Variants in PLXDC1 observed in about 807,000 individuals in gnomAD.
PLXDC1 encodes the protein plexin domain-containing protein 1.
Under a neutral mutation model 61.3 loss-of-function variants are expected in PLXDC1, and 39 were observed. The observed-to-expected ratio is 0.64, with a 90% CI of 0.49 to 0.83. PLXDC1 has a LOEUF of 0.83. Ranked by LOEUF, PLXDC1 falls within the 40% of genes least tolerant of loss-of-function variation. PLXDC1 has a pLI of 0.00. For missense variants in PLXDC1, 596 were observed against 666.5 expected (o/e 0.89, Z 1.17); for synonymous variants, 212 against 254.5 (o/e 0.83, Z 1.59).
chr17:39,128,097 G>GTGTGTGTGTATATATATATA (rs1911379292), intron 2 of PLXDC1, among the ~76,000 whole-genome samples: 2 of 67,476 alleles, frequency 3.0e-5, no homozygotes, highest in African/African-American at 7.3e-5. Flanking sequence ...CTCTCTATGT[G>GTGTGTGTGTATATATATATA]TATATATATA....
intron 7 of PLXDC1, 66 bp from the exon 8 acceptor site, chr17:39,087,768 C>T (rs986634397): frequency 2.8e-5 from 33 of 1,163,114 alleles, no homozygotes; most frequent in South Asian, 2.2e-4. Flanking sequence ...GGCCTCTTCC[C>T]GGACAGTCTG....
At chr17:39,128,097 G>GTGTA (rs1911379292) in intron 2 of PLXDC1, among the ~76,000 whole-genome samples, 5 of 67,478 alleles carry the variant, frequency 7.4e-5, no homozygotes, top group Admixed American at 1.5e-4. Context: ...CTCTCTATGT[G>GTGTA]TATATATATA....
chr17:39,112,820 T>TC (rs1910856232), intron 2 of PLXDC1, among the ~76,000 whole-genome samples: 1 of 152,148 alleles, frequency 6.6e-6, no homozygotes, highest in Non-Finnish European at 1.5e-5. Context: ...CCTCCCTAAA[T>TC]CCTGGGCTAT....
chr17:39,096,306 A>C (rs1910199393), intron 7 of PLXDC1, among the ~76,000 whole-genome samples: 1 of 152,214 alleles, frequency 6.6e-6, no homozygotes, highest in Non-Finnish European at 1.5e-5. Context: ...AAGAGGCCAG[A>C]AATGACTCAG....
chr17:39,129,728 G>GAAAGAAAGAAAGAAAGAAAGAA (rs1911491406), intron 2 of PLXDC1, among the ~76,000 whole-genome samples: 2 of 38,280 alleles, frequency 5.2e-5, no homozygotes, highest in African/African-American at 2.5e-4. Context: ...AAGAAAGAAA[G>GAAAGAAAGAAAGAAAGAAAGAA]AAAAGAAAGA....
chr17:39,069,559 G>A (rs1001672738), intron 13 of PLXDC1, among the ~76,000 whole-genome samples: 3 of 152,184 alleles, frequency 2.0e-5, no homozygotes, highest in Non-Finnish European at 4.4e-5. Context: ...GCACTATGTG[G>A]CACTGTGGCC....
intron 7 of PLXDC1, 27 bp downstream of exon 7, chr17:39,105,827 G>T (rs7213676): frequency 6.8e-7 from 1 of 1,472,888 alleles, no homozygotes; most frequent in Non-Finnish European, 9.5e-7. Context: ...CCCCATCAAG[G>T]CCTCTGCGGG....
chr17:39,124,816 G>A (rs1036472656), intron 2 of PLXDC1, among the ~76,000 whole-genome samples: 4 of 152,050 alleles, frequency 2.6e-5, no homozygotes, highest in Non-Finnish European at 5.9e-5. Flanking sequence ...ACTCAGGAAG[G>A]GCTTATTTAT....
chr17:39,093,432 A>C (rs1426362814), intron 7 of PLXDC1, among the ~76,000 whole-genome samples: 1 of 152,176 alleles, frequency 6.6e-6, no homozygotes, highest in Non-Finnish European at 1.5e-5. Flanking sequence ...ATTTATTTAA[A>C]AATTACGGGC....
intron 2 of PLXDC1, among the ~76,000 whole-genome samples, chr17:39,130,153 G>A (rs1408769846): frequency 1.3e-5 from 2 of 152,014 alleles, no homozygotes; most frequent in Non-Finnish European, 2.9e-5. Context: ...TTTCTTTTGG[G>A]TAATGAAAAT....
At position 39,065,541 on chromosome 17, in the gene PLXDC1, A is replaced by T. The variant is rs1324042304; in HGVS notation, c.*2299T>A. Reference sequence around the variant, plus strand: ...CTCAGCCTCCCTAGTAGCTGGGACTACAGGTGCACCCCACCACACCTGGCA... The same window carrying T: ...CTCAGCCTCCCTAGTAGCTGGGACTTCAGGTGCACCCCACCACACCTGGCA... On this transcript the variant is annotated 3_prime_UTR_variant, in exon 14 of 14. Transcript: ENST00000315392. 1 of 151,794 alleles carries T rather than the reference A, an allele frequency of 6.6e-6. No homozygotes were observed. The highest frequency in any genetic ancestry group is 1.5e-5 in the Non-Finnish European group (1 of 68,030). The allele number at this position is 151,794 out of a possible 1,614,324, so 9.4% of individuals were successfully genotyped here. A position where few individuals can be genotyped will look rare whatever the true frequency, so the allele number is the denominator to read the frequency against.
intron 2 of PLXDC1, among the ~76,000 whole-genome samples, chr17:39,138,969 A>ATC (rs1911841854): frequency 6.6e-6 from 1 of 152,010 alleles, no homozygotes; most frequent in Admixed American, 6.6e-5. Context: ...ATACAAAATC[A>ATC]TCTGACACAG....
chr17:39,130,555 GTTTA>G (rs1567770673), intron 2 of PLXDC1, among the ~76,000 whole-genome samples: 1 of 152,026 alleles, frequency 6.6e-6, no homozygotes, highest in East Asian at 1.9e-4. Context: ...CTTTAAAATG[GTTTA>G]TTTTATTTTA....
intron 12 of PLXDC1, 74 bp downstream of exon 12, chr17:39,072,376 C>T: frequency 9.8e-7 from 1 of 1,023,808 alleles, no homozygotes; most frequent in Non-Finnish European, 1.5e-6. Flanking sequence ...GCCCAGGCGA[C>T]TGCTGCACCC....
At position 39,087,669 on chromosome 17, in the gene PLXDC1, C is replaced by T. The variant is rs1345241544; in HGVS notation, c.845G>A (p.Arg282His). 9.3e-6 allele frequency: 15 copies of T among 1,613,892 alleles called. No individual in the cohort carries two copies. The highest frequency in any genetic ancestry group is 2.2e-5 in the South Asian group (2 of 91,060). The part of the protein sequence containing the change: ...SRRRSIFEYH[R>H]IELDPSKVTS... ...GACCTTGCTGGGGTCCAGCTCTATG[C>T]GGTGATATTCAAAGATGCTCCTTCG... is the stretch of plus-strand genomic sequence containing the variant. The change falls in exon 8 of 14, where the codon CGC (arginine) becomes CAC (histidine). Residue 282 changes from arginine (R) to histidine (H), a missense_variant. Physicochemically the swap from Arg to His is conservative, Grantham distance 29. Transcript: ENST00000315392.
chr17:39,063,630 C>T lies in PLXDC1; in HGVS notation c.*4210G>A. 1.6e-6 allele frequency: 1 copy of T among 621,856 alleles called. No individual in the cohort carries two copies. 38.5% of individuals were successfully genotyped at this position (621,856 alleles called of 1,614,324 possible). A position where few individuals can be genotyped will look rare whatever the true frequency, so the allele number is the denominator to read the frequency against. ...AGCAGGAGTTGTAAAAGAATGCTTC[C>T]TTTTATTATTAACACTGAGAATCCA... On this transcript the variant is annotated 3_prime_UTR_variant, in exon 14 of 14. Coordinates refer to ENST00000315392, the MANE Select transcript of PLXDC1 (RefSeq NM_020405.5).
chr17:39,150,178 C>T (rs1373615697), intron 1 of PLXDC1, among the ~76,000 whole-genome samples: 2 of 152,102 alleles, frequency 1.3e-5, no homozygotes, highest in Non-Finnish European at 2.9e-5. Context: ...GTGGTTCTCA[C>T]CAGCAGCTTC....
intron 2 of PLXDC1, among the ~76,000 whole-genome samples, chr17:39,112,673 C>T (rs561017780): frequency 1.2e-4 from 18 of 152,166 alleles, no homozygotes; most frequent in African/African-American, 2.9e-4. Context: ...GCCCCTGACA[C>T]GCAGGGATGG....
intron 12 of PLXDC1, among the ~76,000 whole-genome samples, chr17:39,071,092 C>A (rs1160437477): frequency 1.3e-5 from 2 of 152,206 alleles, no homozygotes; most frequent in Admixed American, 1.3e-4. Context: ...CTGAGAACAT[C>A]CTAGGCACTT....
Sources: gnomAD v4.1 joint callset for allele counts (sites outside exome capture counted in the v4.1 genomes callset) on GRCh38, gnomAD v4.1.1 for gene constraint, MANE v1.5 for transcripts, NCBI Gene and HGNC (gene_info 2026-07-23, HGNC 2026-07-21) for gene names.